EBF1: variants seen among roughly 807,000 people sequenced by gnomAD.
EBF1 encodes transcription factor COE1.
A neutral mutation model predicts 68.4 loss-of-function variants in EBF1; 10 were observed. The ratio of observed to expected loss-of-function variants is 0.15; its 90% CI spans 0.09 to 0.25. EBF1 has a LOEUF of 0.25. EBF1 is among the 10% of genes least tolerant of loss of function. The pLI is 1.00. For synonymous variants in EBF1, 298 were observed against 299.8 expected (o/e 0.99, Z 0.06); for missense variants, 509 against 794.4 (o/e 0.64, Z 4.32).
chr5:158,937,819 C>A (rs886644505), intron 6 of EBF1, among the ~76,000 whole-genome samples: 1 of 152,178 alleles, frequency 6.6e-6, no homozygotes. Context: ...TTCAATGACA[C>A]GTCAAGATGT....
chr5:158,827,322 A>C (rs1341447015), intron 7 of EBF1, among the ~76,000 whole-genome samples: 2 of 152,208 alleles, frequency 1.3e-5, no homozygotes. Flanking sequence ...GTACAATTTT[A>C]AAGACCTTTG....
At chr5:158,829,114 G>A (rs1786880866) in intron 7 of EBF1, among the ~76,000 whole-genome samples, 2 of 152,200 alleles carry the variant, frequency 1.3e-5, no homozygotes, top group South Asian at 2.1e-4. Context: ...TGATGTATAT[G>A]TCCATGCTTT....
intron 11 of EBF1, among the ~76,000 whole-genome samples, chr5:158,723,356 C>T (rs1277209555): frequency 6.6e-5 from 10 of 152,152 alleles, no homozygotes; most frequent in Non-Finnish European, 1.3e-4. Context: ...GTCCAATAGA[C>T]TTGGCTCAAA....
intron 15 of EBF1, 45 bp from the exon 16 acceptor site, chr5:158,699,187 C>T (rs1401318969): frequency 1.3e-6 from 2 of 1,566,208 alleles, no homozygotes; most frequent in Non-Finnish European, 1.7e-6. Flanking sequence ...TGCGTTCAAA[C>T]TTCTCACTGA....
At chr5:158,894,674 G>A (rs1801833244) in intron 6 of EBF1, among the ~76,000 whole-genome samples, 1 of 152,196 alleles carries the variant, frequency 6.6e-6, no homozygotes, top group Non-Finnish European at 1.5e-5. Context: ...AAGTGTGGCA[G>A]AAGAAATATA....
rs368224995 is a variant in EBF1 at position 159,008,806 on chromosome 5, G to A, written c.554+64590C>T. Reference sequence around the variant, plus strand: ...CCCACCTTGGCCTCCCAAAGTGCTGGGATTACAGGTGTGAGCCACCGCGCC... The same window carrying A: ...CCCACCTTGGCCTCCCAAAGTGCTGAGATTACAGGTGTGAGCCACCGCGCC... On this transcript the variant is annotated intron_variant, in intron 6 of 15. Transcript: ENST00000313708. Among the ~76,000 whole-genome samples the A allele has an allele frequency of 2.6e-5, 4 of 151,938 alleles. No individual in the cohort carries two copies. In the East Asian group the frequency reaches 7.7e-4, roughly 29 times the overall value.
chr5:158,855,861 G>C (rs924518692), intron 6 of EBF1, among the ~76,000 whole-genome samples: 9 of 152,214 alleles, frequency 5.9e-5, no homozygotes, highest in African/African-American at 9.6e-5. Flanking sequence ...GGACCCACCT[G>C]CTGAAACGAG....
intron 6 of EBF1, among the ~76,000 whole-genome samples, chr5:158,969,296 C>T (rs1445303836): frequency 6.6e-6 from 1 of 152,114 alleles, no homozygotes; most frequent in African/African-American, 2.4e-5. Context: ...GAGCAAGACT[C>T]GGTCCCCCCA....
At position 158,881,671 on chromosome 5, in the gene EBF1, G is replaced by A. The variant is rs1440140830; in HGVS notation, c.555-41561C>T. ...TCCACATCACCTCTCTTGTCATCAG[G>A]GATATGGGCTAAATAGCACCAAACC... On this transcript the variant is annotated intron_variant, in intron 6 of 15. Transcript: ENST00000313708. Among the ~76,000 whole-genome samples, 3 of 152,160 alleles carry A rather than the reference G, an allele frequency of 2.0e-5. No individual in the cohort carries two copies. The East Asian group carries it at 5.8e-4, about 29-fold the overall frequency.
rs1189275731 is a variant in EBF1, at chr5:158,940,771, C to G, written c.555-100661G>C. ...ACCCCCTTCACCCCACCGCCCCCCC[C>G]CCCCCCCCGCAGGTCAAATGGAGGA... is the stretch of plus-strand genomic sequence containing the variant. On this transcript the variant is annotated intron_variant, in intron 6 of 15. Coordinates refer to ENST00000313708, the MANE Select transcript of EBF1 (RefSeq NM_024007.5). Among the ~76,000 whole-genome samples the G allele has an allele frequency of 5.1e-3, 173 of 34,022 alleles. 29 individuals are homozygous for G. Among genetic ancestry groups the G allele is most frequent in the African/African-American group, 0.011 (149 of 13,434 alleles). 22.3% of individuals were successfully genotyped at this position (34,022 alleles called of 152,430 possible). A position where few individuals can be genotyped will look rare whatever the true frequency, so the allele number is the denominator to read the frequency against.
chr5:158,889,154 C>G (rs1256484801), intron 6 of EBF1, among the ~76,000 whole-genome samples: 1 of 152,112 alleles, frequency 6.6e-6, no homozygotes, highest in Admixed American at 6.6e-5. Flanking sequence ...GGCCAGGATT[C>G]TATAATGCTA....
At chr5:158,819,168 A>T (rs549844182) in intron 8 of EBF1, among the ~76,000 whole-genome samples, 56 of 152,366 alleles carry the variant, frequency 3.7e-4, no homozygotes, top group Non-Finnish European at 5.9e-4. Context: ...CCTTTAAAAA[A>T]ATGAGCATTT....
chr5:158,737,315 G>A (rs1258695522), intron 10 of EBF1, among the ~76,000 whole-genome samples: 1 of 107,958 alleles, frequency 9.3e-6, no homozygotes, highest in East Asian at 2.9e-4. Context: ...ACGGAGTCTC[G>A]CTCCGTCGCC....
At chr5:158,711,049 G>A (rs1759140593) in intron 14 of EBF1, among the ~76,000 whole-genome samples, 1 of 152,186 alleles carries the variant, frequency 6.6e-6, no homozygotes, top group South Asian at 2.1e-4. Context: ...GTTTTTGTAG[G>A]CAAACTTCTT....
intron 8 of EBF1, among the ~76,000 whole-genome samples, chr5:158,805,911 C>T (rs1475272382): frequency 1.3e-5 from 2 of 151,876 alleles, no homozygotes; most frequent in Admixed American, 6.6e-5. Flanking sequence ...TTAGCTACAA[C>T]ACTGTTTCTA....
At chr5:159,043,227 T>C (rs1370191522) in intron 6 of EBF1, among the ~76,000 whole-genome samples, 2 of 152,294 alleles carry the variant, frequency 1.3e-5, no homozygotes, top group East Asian at 3.9e-4. Context: ...CCCTTGTCCA[T>C]CTGACTCCAG....
At chr5:159,081,649 C>G (rs1469924318) in intron 5 of EBF1, among the ~76,000 whole-genome samples, 1 of 152,110 alleles carries the variant, frequency 6.6e-6, no homozygotes, top group Non-Finnish European at 1.5e-5. Context: ...CTCAAGGGAG[C>G]CCTGAGAACT....
chr5:158,737,164 C>T (rs1279511434), intron 10 of EBF1, among the ~76,000 whole-genome samples: 3 of 149,460 alleles, frequency 2.0e-5, no homozygotes, highest in Non-Finnish European at 4.4e-5. Flanking sequence ...AAAGCTGTAA[C>T]TTTCTGCAAC....
At chr5:159,094,381 T>C (rs1291850648) in intron 4 of EBF1, among the ~76,000 whole-genome samples, 1 of 152,042 alleles carries the variant, frequency 6.6e-6, no homozygotes, top group Non-Finnish European at 1.5e-5. Context: ...TTATTTTTAT[T>C]TTAAAAAATA....
Sources: allele counts gnomAD v4.1 joint callset (sites outside exome capture counted in the v4.1 genomes callset), GRCh38; gene constraint gnomAD v4.1.1; transcripts MANE v1.5; gene names NCBI Gene and HGNC (gene_info 2026-07-23, HGNC 2026-07-21).